Variants in TAP1 observed in about 807,000 individuals in gnomAD.
The protein encoded by TAP1 is transporter 1, ATP binding cassette subfamily B member.
A neutral mutation model predicts 79.3 loss-of-function variants in TAP1; 56 were observed. The ratio of observed to expected loss-of-function variants is 0.71; its 90% confidence interval spans 0.57 to 0.88. The LOEUF (loss-of-function observed/expected upper bound fraction) is 0.88. TAP1 is among the 40% of genes least tolerant of loss of function. The pLI is 0.00. For missense variants in TAP1, 737 were observed against 936.3 expected, an observed-to-expected ratio of 0.79 and a Z score of 2.78; for synonymous variants, 355 against 401.4, an observed-to-expected ratio of 0.88 and a Z score of 1.38.
Position 32,852,528 on chromosome 6 carries a change from C to T in TAP1, c.599-26G>A. On this transcript the variant is annotated intron_variant, in intron 1 of 10. Transcript: ENST00000354258. This position sits in a 1 kb window ranked among gnomAD's most constrained non-coding sequence, Gnocchi z 4.8. ...CTGGAGAAAGAGAAGAGAGGTCACG[C>T]ACAAATATTAAGTCTAAGTAGGTCA... 6.2e-7 allele frequency: 1 copy of T among 1,612,866 alleles called. No homozygotes were observed. Among genetic ancestry groups the T allele is most frequent in the South Asian group, 1.1e-5 (1 of 91,072 alleles).
Position 32,845,275 on chromosome 6 carries a change from T to C in TAP1, c.*304A>G, listed in dbSNP as rs115335918. On this transcript the variant is annotated 3_prime_UTR_variant, in exon 11 of 11. Coordinates refer to ENST00000354258, the MANE Select transcript of TAP1 (RefSeq NM_000593.6). This position sits in a 1 kb window ranked among gnomAD's most constrained non-coding sequence, Gnocchi z 4.5. The stretch of plus-strand genomic sequence containing the variant: ...GGTGTTTATGGGCCAGCATATGCCT[T>C]CAGTTATGTTGAAAATAGCTGATCA... 1,548 of 532,710 alleles carry C rather than the reference T, an allele frequency of 2.9e-3. 33 individuals are homozygous for C. The highest frequency in any genetic ancestry group is 0.023 in the South Asian group (1,127 of 48,272). 33.0% of individuals were successfully genotyped at this position (532,710 alleles called of 1,614,324 possible). A position where few individuals can be genotyped will look rare whatever the true frequency, so the allele number is the denominator to read the frequency against.
rs773749079 is a variant in TAP1 at position 32,853,271 on chromosome 6, G to A, written c.366C>T (p.Pro122=). ...LFRELISWGA[P]GSADSTRLLH... ...GTAGCCTGGTGCTATCCGCGGACCC[G>A]GGGGCTCCCCATGAGATCAGCTCTC... The change falls in exon 1 of 11, where the codon CCC becomes CCT. Residue 122 remains proline, a synonymous_variant. Transcript: ENST00000354258. The surrounding 1 kb of genome is among the most constrained non-coding windows in gnomAD (Gnocchi z 8.3). The A allele has an allele frequency of 3.1e-6, 5 of 1,588,742 alleles. No homozygotes were observed. Among genetic ancestry groups the A allele is most frequent in the Non-Finnish European group, 4.3e-6 (5 of 1,167,098 alleles).
chr6:32,852,289 A>G lies in TAP1; in HGVS notation c.714-50T>C. On this transcript the variant is annotated intron_variant, in intron 2 of 10. Coordinates refer to ENST00000354258, the MANE Select transcript of TAP1 (RefSeq NM_000593.6). The surrounding 1 kb of genome is among the most constrained non-coding windows in gnomAD (Gnocchi z 4.8). ...GGATCAGGGTGTGTTCAGGGAACAG[A>G]CTGAAGGTCCCAGGTATCCCCATAT... is the stretch of plus-strand genomic sequence containing the variant. 6.2e-7 allele frequency: 1 copy of G among 1,613,000 alleles called. No individual in the cohort carries two copies. The highest frequency in any genetic ancestry group is 8.5e-7 in the Non-Finnish European group (1 of 1,179,982).
rs1198019195 is a variant in TAP1, at chr6:32,847,187, T to A, written c.1921A>T (p.Ser641Cys). The A allele has an allele frequency of 1.2e-6, 2 of 1,612,196 alleles. No individual in the cohort carries two copies. Among genetic ancestry groups the A allele is most frequent in the Admixed American group, 1.7e-5 (1 of 60,022 alleles). ...GYDTEVDEAG[S>C]QLSGGQRQAV... ...TGTCGCTGACCCCCTGACAGCTGGC[T>A]CCCAGCCTCGTCTACCTCTGCAGAG... The change falls in exon 10 of 11, where the codon AGC becomes TGC. Residue 641 changes from serine to cysteine, a missense_variant. Physicochemically the swap from Ser to Cys is moderately radical, Grantham distance 112. Around this residue, in one of 5 missense-constraint regions of TAP1, gnomAD observed 266 missense variants for 332.4 expected, o/e 0.80. Coordinates refer to ENST00000354258, the MANE Select transcript of TAP1 (RefSeq NM_000593.6). The surrounding 1 kb of genome is among the most constrained non-coding windows in gnomAD (Gnocchi z 4.7).
Position 32,850,214 on chromosome 6 carries a change from C to T in TAP1, c.1248+106G>A. On this transcript the variant is annotated intron_variant, in intron 5 of 10. Coordinates refer to ENST00000354258, the MANE Select transcript of TAP1 (RefSeq NM_000593.6). The surrounding 1 kb of genome is among the most constrained non-coding windows in gnomAD (Gnocchi z 5.5). The stretch of plus-strand genomic sequence containing the variant: ...GGTTGCTAGGACGAAAATACTGAAC[C>T]AACCATTTCCCAGTAAAGGAGGAGT... 7.8e-7 allele frequency: 1 copy of T among 1,289,782 alleles called. No homozygotes were observed. The highest frequency in any genetic ancestry group is 2.3e-5 in the East Asian group (1 of 43,198). The allele number at this position is 1,289,782 out of a possible 1,614,324, so 79.9% of individuals were successfully genotyped here. A position where few individuals can be genotyped will look rare whatever the true frequency, so the allele number is the denominator to read the frequency against.
At position 32,847,660 on chromosome 6, in the gene TAP1, G is replaced by A; in HGVS notation, c.1756C>T (p.Gln586Ter). ...YLHRQVAAVG[Q>*]EPQVFGRSLQ... ...CTTCTTCCAAATACCTGTGGCTCTT[G>A]TCCCACTGCAGCCACCTGAGATGAA... The change falls in exon 9 of 11, where the codon CAA (glutamine) becomes TAA (stop). Residue 586 changes from glutamine (Q) to a stop codon, truncating the protein, a stop_gained. Transcript: ENST00000354258. LOFTEE classifies it high-confidence loss of function. This position sits in a 1 kb window ranked among gnomAD's most constrained non-coding sequence, Gnocchi z 4.7. 6.2e-7 allele frequency: 1 copy of A among 1,613,828 alleles called. No homozygotes were observed. The highest frequency in any genetic ancestry group is 2.2e-5 in the East Asian group (1 of 44,888).
rs753580946 is a variant in TAP1 at position 32,850,931 on chromosome 6, T to C, written c.1050+13A>G. 2 of 1,609,412 alleles carry C rather than the reference T, an allele frequency of 1.2e-6. No individual in the cohort carries two copies. The highest frequency in any genetic ancestry group is 2.2e-5 in the South Asian group (2 of 90,904). On this transcript the variant is annotated intron_variant, in intron 4 of 10. Coordinates refer to ENST00000354258, the MANE Select transcript of TAP1 (RefSeq NM_000593.6). The surrounding 1 kb of genome is among the most constrained non-coding windows in gnomAD (Gnocchi z 5.5). ...GAGGGTCTGTGTAGAGCGGGCCAAC[T>C]CCATGAACATACCTGGTACCATTTT...
At position 32,845,567 on chromosome 6, in the gene TAP1, C is replaced by G; in HGVS notation, c.*12G>C. 6.2e-7 allele frequency: 1 copy of G among 1,613,010 alleles called. No individual in the cohort carries two copies. The highest frequency in any genetic ancestry group is 8.5e-7 in the Non-Finnish European group (1 of 1,179,980). The stretch of plus-strand genomic sequence containing the variant: ...AGGGAGGGAGATGGAGTGCGCAGGT[C>G]TGAGAAGGCTTTCATTCTGGAGCAT... On this transcript the variant is annotated 3_prime_UTR_variant, in exon 11 of 11. Coordinates refer to ENST00000354258, the MANE Select transcript of TAP1 (RefSeq NM_000593.6). The surrounding 1 kb of genome is among the most constrained non-coding windows in gnomAD (Gnocchi z 4.5).
Position 32,848,121 on chromosome 6 carries a change from G to A in TAP1, c.1567-29C>T, listed in dbSNP as rs908876242. ...GAGGCCAGAGAAGCACACGATAAGA[G>A]GCTACCAAGGCCTCTAACCTTGAGA... is the stretch of plus-strand genomic sequence containing the variant. On this transcript the variant is annotated intron_variant, in intron 7 of 10. Transcript: ENST00000354258. 7 of 1,567,822 alleles carry A rather than the reference G, an allele frequency of 4.5e-6. No individual in the cohort carries two copies. In the African/African-American group the frequency reaches 9.5e-5, roughly 21 times the overall value.
rs1554246364 is a variant in TAP1 at position 32,851,924 on chromosome 6, T to TGTGTGTGTGA, written c.844+184_844+185insTCACACACAC. On this transcript the variant is annotated intron_variant, in intron 3 of 10. Transcript: ENST00000354258. The surrounding 1 kb of genome is among the most constrained non-coding windows in gnomAD (Gnocchi z 4.8). The stretch of plus-strand genomic sequence containing the variant: ...AAAAACAATTGTGTGTGTGTGTGTG[T>TGTGTGTGTGA]GAGAGAGAGAGAGAGAGAGACAGAG... 5.4e-5 allele frequency among the ~76,000 whole-genome samples: 8 copies of TGTGTGTGTGA among 147,436 alleles called. No individual in the cohort carries two copies. The East Asian group carries it at 1.6e-3, about 29-fold the overall frequency.
At position 32,852,070 on chromosome 6, in the gene TAP1, A is replaced by G. The variant is rs769513805; in HGVS notation, c.844+39T>C. Reference sequence around the variant, plus strand: ...TCAAAGCAGATGTATGAGGATATGAACAGTACATGGCGTATAATGAAAGAG... The same window carrying G: ...TCAAAGCAGATGTATGAGGATATGAGCAGTACATGGCGTATAATGAAAGAG... On this transcript the variant is annotated intron_variant, in intron 3 of 10. Coordinates refer to ENST00000354258, the MANE Select transcript of TAP1 (RefSeq NM_000593.6). This position sits in a 1 kb window ranked among gnomAD's most constrained non-coding sequence, Gnocchi z 4.8. 1 of 1,612,740 alleles carries G rather than the reference A, an allele frequency of 6.2e-7. No individual in the cohort carries two copies. The highest frequency in any genetic ancestry group is 8.5e-7 in the Non-Finnish European group (1 of 1,179,952).
rs1770827693 is a variant in TAP1 at position 32,852,203 on chromosome 6, G to C, written c.750C>G (p.Asn250Lys). The C allele has an allele frequency of 6.2e-7, 1 of 1,612,924 alleles. No homozygotes were observed. Among genetic ancestry groups the C allele is most frequent in the African/African-American group, 1.3e-5 (1 of 74,900 alleles). ...VLEFVGDGIY[N>K]NTMGHVHSHL... The stretch of plus-strand genomic sequence containing the variant: ...GGCTGTGCACGTGGCCCATGGTGTT[G>C]TTATAGATCCCGTCACCCACGAACT... The change falls in exon 3 of 11, where the codon AAC (asparagine) becomes AAG (lysine). Residue 250 changes from asparagine (N) to lysine (K), a missense_variant. Asn to Lys is a moderately conservative substitution (Grantham distance 94). Transcript: ENST00000354258. The surrounding 1 kb of genome is among the most constrained non-coding windows in gnomAD (Gnocchi z 4.8).
chr6:32,848,767 C>A lies in TAP1; in HGVS notation c.1451G>T (p.Arg484Leu), dbSNP rs376553490. Residue 484 changes from arginine (R) to leucine (L), a missense_variant, in exon 7 of 11, where the codon CGC becomes CTC. Transcript: ENST00000354258. ...ACCACTGGGTGGGCAGCGAGGGGTGCGGTCCAGGTACTCAAATATTTTCTC... is the reference window on the plus strand; with the variant it reads ...ACCACTGGGTGGGCAGCGAGGGGTGAGGTCCAGGTACTCAAATATTTTCTC... The part of the protein sequence containing the change: ...SSEKIFEYLD[R>L]TPRCPPSGLL... The A allele has an allele frequency of 1.9e-6, 3 of 1,613,880 alleles. No homozygotes were observed. Among genetic ancestry groups the A allele is most frequent in the Non-Finnish European group, 2.5e-6 (3 of 1,180,028 alleles).
intron 5 of TAP1, chr6:32,849,753 AAATAAT>A (rs565223367): frequency 3.0e-5 from 5 of 165,018 alleles, no homozygotes; most frequent in African/African-American, 7.3e-5. Context: ...TCCAGCTCAA[AAATAAT>A]AATAATAAGT....
chr6:32,846,937 G>A, intron 10 of TAP1, 131 bp downstream of exon 10: 4 of 1,370,302 alleles, frequency 2.9e-6, no homozygotes, highest in African/African-American at 1.4e-5. Context: ...GGCATCCAAT[G>A]GAACTGGATT....
At position 32,851,610 on chromosome 6, in the gene TAP1, C is replaced by T. The variant is rs969169447; in HGVS notation, c.845-461G>A. ...TACAGCTTCTAGTGCTGCTAGAAAG[C>T]ATGCCGAAGTCTGTGGAGCACTCAA... is the stretch of plus-strand genomic sequence containing the variant. On this transcript the variant is annotated intron_variant, in intron 3 of 10. Coordinates refer to ENST00000354258, the MANE Select transcript of TAP1 (RefSeq NM_000593.6). The surrounding 1 kb of genome is among the most constrained non-coding windows in gnomAD (Gnocchi z 4.8). 6.6e-6 allele frequency among the ~76,000 whole-genome samples: 1 copy of T among 152,198 alleles called. No homozygotes were observed. The highest frequency in any genetic ancestry group is 1.5e-5 in the Non-Finnish European group (1 of 68,028).
Position 32,847,906 on chromosome 6 carries a change from C to T in TAP1, c.1740+13G>A. 3.7e-6 allele frequency: 6 copies of T among 1,613,146 alleles called. No individual in the cohort carries two copies. Among genetic ancestry groups the T allele is most frequent in the Non-Finnish European group, 4.2e-6 (5 of 1,180,042 alleles). On this transcript the variant is annotated intron_variant, in intron 8 of 10. Coordinates refer to ENST00000354258, the MANE Select transcript of TAP1 (RefSeq NM_000593.6). The surrounding 1 kb of genome is among the most constrained non-coding windows in gnomAD (Gnocchi z 4.7). ...ATGCTCCCTGCCCTCCTTCAAGCCA[C>T]CTGCTTCCATACCTGCCTGTGCAGG...
rs77227620 is a variant in TAP1 at position 32,851,974 on chromosome 6, G to T, written c.844+135C>A. The stretch of plus-strand genomic sequence containing the variant: ...GACAGAGAGAGAGAGACAGGGAGAG[G>T]GTATATCAAGAATGAGAAGGAACAA... On this transcript the variant is annotated intron_variant, in intron 3 of 10. Coordinates refer to ENST00000354258, the MANE Select transcript of TAP1 (RefSeq NM_000593.6). The surrounding 1 kb of genome is among the most constrained non-coding windows in gnomAD (Gnocchi z 4.8). The T allele has an allele frequency of 0.12, 125,002 of 1,078,836 alleles. 8,285 individuals carry two copies. Among genetic ancestry groups the T allele is most frequent in the South Asian group, 0.21 (15,940 of 76,340 alleles). 66.8% of individuals were successfully genotyped at this position (1,078,836 alleles called of 1,614,324 possible). A position where few individuals can be genotyped will look rare whatever the true frequency, so the allele number is the denominator to read the frequency against.
chr6:32,852,738 G>A lies in TAP1; in HGVS notation c.599-236C>T, dbSNP rs1770870780. ...TAGGAAGGCTGGAGATCATGAAGTA[G>A]AAAAGCCTCCTGTTAGAGATGAGGA... On this transcript the variant is annotated intron_variant, in intron 1 of 10. Coordinates refer to ENST00000354258, the MANE Select transcript of TAP1 (RefSeq NM_000593.6). This position sits in a 1 kb window ranked among gnomAD's most constrained non-coding sequence, Gnocchi z 4.8. 1 of 1,447,164 alleles carries A rather than the reference G, an allele frequency of 6.9e-7. No homozygotes were observed. The highest frequency in any genetic ancestry group is 2.5e-5 in the East Asian group (1 of 40,280). The allele number at this position is 1,447,164 out of a possible 1,614,324, so 89.6% of individuals were successfully genotyped here. A position where few individuals can be genotyped will look rare whatever the true frequency, so the allele number is the denominator to read the frequency against.
Sources: gnomAD v4.1 joint callset for allele counts (sites outside exome capture counted in the v4.1 genomes callset) on GRCh38, gnomAD v4.1.1 for gene constraint, gnomAD v4.1.1 regional missense constraint, Gnocchi (gnomAD v3.1) non-coding constraint, MANE v1.5 for transcripts, NCBI Gene and HGNC (gene_info 2026-07-23, HGNC 2026-07-21) for gene names.